Variants in PRODH2 observed in about 807,000 individuals in gnomAD.
PRODH2 encodes proline dehydrogenase 2.
In PRODH2, 49 loss-of-function variants were observed where a neutral mutation model predicts 51.9. The observed-to-expected ratio is 0.94, with a 90% CI of 0.75 to 1.20. The LOEUF is 1.20. Among genes scored for constraint, PRODH2 ranks in the 50% most tolerant of loss-of-function variants. The probability of loss-of-function intolerance (pLI) is 0.00; values close to 1 mark genes in which losing one functional copy is unlikely to be tolerated. For synonymous variants in PRODH2, 249 were observed against 260.7 expected (o/e 0.96, Z 0.43); for missense variants, 597 against 610.9 (o/e 0.98, Z 0.24).
rs1327571369 is a variant in PRODH2, at chr19:35,812,365, C to T, written c.366G>A (p.Lys122=). ...GGCCCTGGCTCCCTACTCACCCACT[C>T]TTGGCAGCAGAGTCCGGCTCCTCCT... is the stretch of plus-strand genomic sequence containing the variant. The part of the protein sequence containing the change: ...PTEEEPDSAA[K]SGEAWYEGNL... The change falls in exon 2 of 10, where the codon AAG becomes AAA. Residue 122 remains lysine, a synonymous_variant. Transcript: ENST00000653904. 6.2e-7 allele frequency: 1 copy of T among 1,612,482 alleles called. No homozygotes were observed. The highest frequency in any genetic ancestry group is 1.7e-5 in the Admixed American group (1 of 59,960).
intron 7 of PRODH2, among the ~76,000 whole-genome samples, chr19:35,804,043 G>A (rs1406212586): frequency 1.3e-5 from 2 of 152,122 alleles, no homozygotes; most frequent in African/African-American, 2.4e-5. Flanking sequence ...AGGAGTGTGG[G>A]TGTCTCACCT....
At chr19:35,804,162 T>C (rs1972474231) in intron 7 of PRODH2, among the ~76,000 whole-genome samples, 1 of 152,168 alleles carries the variant, frequency 6.6e-6, no homozygotes. Flanking sequence ...TCCTAATAGC[T>C]TCCCTGACTT....
chr19:35,808,079 C>T (rs1189283083), intron 4 of PRODH2, among the ~76,000 whole-genome samples: 2 of 152,134 alleles, frequency 1.3e-5, no homozygotes, highest in Non-Finnish European at 2.9e-5. Flanking sequence ...TGTCTCTTGC[C>T]CCTGACTTGC....
chr19:35,801,190 C>T (rs976702586), intron 9 of PRODH2, among the ~76,000 whole-genome samples: 11 of 152,098 alleles, frequency 7.2e-5, no homozygotes, highest in Admixed American at 2.0e-4. Context: ...ATAAGCTGGG[C>T]GTGGTGGCTC....
At chr19:35,802,136 G>T in intron 9 of PRODH2, 55 bp downstream of exon 9, 1 of 1,526,322 alleles carries the variant, frequency 6.6e-7, no homozygotes, top group Non-Finnish European at 9.1e-7. Flanking sequence ...AAGGGCTCTG[G>T]CTGGGAGGGA....
chr19:35,811,428 G>A (rs1216231457), intron 4 of PRODH2, among the ~76,000 whole-genome samples: 1 of 108,028 alleles, frequency 9.3e-6, no homozygotes, highest in Non-Finnish European at 1.8e-5. Flanking sequence ...GAGAAGGAAG[G>A]AAGGAAGGAA....
intron 4 of PRODH2, 97 bp from the exon 5 acceptor site, chr19:35,807,218 G>A (rs990496383): frequency 7.7e-6 from 9 of 1,176,256 alleles, no homozygotes; most frequent in Non-Finnish European, 1.1e-5. Flanking sequence ...AGGGGGTTAT[G>A]AGCCTAGAAT....
rs760705351 is a variant in PRODH2 at position 35,800,711 on chromosome 19, TAGAC to T, written c.1199-493_1199-490del. On this transcript the variant is annotated intron_variant, in intron 9 of 9. Coordinates refer to ENST00000653904, the MANE Select transcript of PRODH2 (RefSeq NM_021232.2). ...GGAGCAAACTTTTTTTTTTCTCTCT[TAGAC>T]AGGGTCTAGCCCTGTGGCCCAGGCT... Among the ~76,000 whole-genome samples, 28 of 149,098 alleles carry T rather than the reference TAGAC, an allele frequency of 1.9e-4. No individual in the cohort carries two copies. In the East Asian group the frequency reaches 5.4e-3, roughly 29 times the overall value.
chr19:35,807,451 C>T (rs1386359577), intron 4 of PRODH2, among the ~76,000 whole-genome samples: 3 of 151,974 alleles, frequency 2.0e-5, no homozygotes, highest in African/African-American at 7.3e-5. Flanking sequence ...TACAGGCGCC[C>T]GCCACCATGC....
intron 7 of PRODH2, among the ~76,000 whole-genome samples, chr19:35,805,332 T>C (rs1439681664): frequency 2.6e-5 from 4 of 152,140 alleles, no homozygotes; most frequent in Non-Finnish European, 5.9e-5. Flanking sequence ...AGTGGCTCAA[T>C]CTTGGCTCAC....
chr19:35,807,781 CTT>C (rs1330841861), intron 4 of PRODH2, among the ~76,000 whole-genome samples: 1 of 151,262 alleles, frequency 6.6e-6, no homozygotes, highest in African/African-American at 2.4e-5. Flanking sequence ...TACGTACTGA[CTT>C]TTGTTTTGCT....
intron 9 of PRODH2, among the ~76,000 whole-genome samples, chr19:35,800,881 T>G (rs554887524): frequency 3.3e-5 from 5 of 152,170 alleles, no homozygotes; most frequent in South Asian, 2.1e-4. Flanking sequence ...TTATCTCAAT[T>G]GATTAATTAA....
rs116573646 is a variant in PRODH2, at chr19:35,806,537, G to A, written c.894C>T (p.Phe298=). The change falls in exon 7 of 10, where the codon TTC becomes TTT. Residue 298 remains phenylalanine, a synonymous_variant. Transcript: ENST00000653904. ...AEAAHRAGLA[F]GVKLVRGAYL... is the part of the protein sequence containing the mutation. ...ATGCACCTCGTACCAGCTTCACTCC[G>A]AAGGCCAGGCCGGCCCTGTGCGCAG... 5,549 of 1,614,088 alleles carry A rather than the reference G, an allele frequency of 3.4e-3. 85 individuals are homozygous for A. The African/African-American group carries it at 0.044, about 13-fold the overall frequency.
intron 7 of PRODH2, among the ~76,000 whole-genome samples, chr19:35,804,992 T>C (rs1335728871): frequency 2.0e-5 from 3 of 152,118 alleles, no homozygotes; most frequent in African/African-American, 7.2e-5. Context: ...ACATATTGTA[T>C]GATTCCATTT....
At chr19:35,803,126 C>A in intron 7 of PRODH2, 48 bp from the exon 8 acceptor site, 2 of 1,380,774 alleles carry the variant, frequency 1.4e-6, no homozygotes, top group South Asian at 3.1e-5. Flanking sequence ...GAGGGTCAGG[C>A]CCCAGCGACT....
intron 7 of PRODH2, 30 bp downstream of exon 7, chr19:35,806,400 T>A: frequency 6.2e-7 from 1 of 1,612,986 alleles, no homozygotes; most frequent in Admixed American, 1.7e-5. Context: ...TGTTATTATT[T>A]CCTGCAGAGG....
At chr19:35,811,902 G>A in intron 4 of PRODH2, 60 bp downstream of exon 4, 2 of 1,518,464 alleles carry the variant, frequency 1.3e-6, no homozygotes, top group Non-Finnish European at 9.1e-7. Context: ...CTGGCGTGCG[G>A]TGTGGCCGCA....
Position 35,812,415 on chromosome 19 carries a change from G to C in PRODH2, c.316C>G (p.Arg106Gly). 6.2e-7 allele frequency: 1 copy of C among 1,614,202 alleles called. No individual in the cohort carries two copies. Among genetic ancestry groups the C allele is most frequent in the Non-Finnish European group, 8.5e-7 (1 of 1,180,028 alleles). The stretch of plus-strand genomic sequence containing the variant: ...TCAGTGGGCACTGCCAGCAGTGGTC[G>C]GAGGCTGAGGGTCCGCAGCTGCTGC... ...CVQQLRTLSL[R>G]PLLAVPTEEE... Residue 106 changes from arginine (R) to glycine (G), a missense_variant, in exon 2 of 10, where the codon CGA becomes GGA. Coordinates refer to ENST00000653904, the MANE Select transcript of PRODH2 (RefSeq NM_021232.2).
At chr19:35,809,416 A>C (rs1436937890) in intron 4 of PRODH2, among the ~76,000 whole-genome samples, 6 of 152,078 alleles carry the variant, frequency 3.9e-5, no homozygotes, top group Non-Finnish European at 7.4e-5. Context: ...ATGAGATCTC[A>C]CTATGTTGCC....
Sources: allele counts gnomAD v4.1 joint callset (sites outside exome capture counted in the v4.1 genomes callset), GRCh38; gene constraint gnomAD v4.1.1; transcripts MANE v1.5; gene names NCBI Gene and HGNC (gene_info 2026-07-23, HGNC 2026-07-21).